The following KLRD1 variants were observed in gnomAD, a reference collection of about 807,000 sequenced individuals.
The protein encoded by KLRD1 is natural killer cells antigen CD94.
KLRD1 carries 21 observed loss-of-function variants against 22.6 expected under a neutral mutation model. That is an observed-to-expected ratio of 0.93 (90% CI 0.66 to 1.34). The LOEUF (loss-of-function observed/expected upper bound fraction) is 1.34. KLRD1 is among the 40% of genes most tolerant of loss of function. The pLI, the probability that KLRD1 is intolerant of heterozygous loss-of-function variation, is 0.00. For missense variants in KLRD1, 183 were observed against 208.6 expected (o/e 0.88, Z 0.76); for synonymous variants, 59 against 71.1 (o/e 0.83, Z 0.85).
At chr12:10,252,761 A>G (rs1345023217) in intron 1 of KLRD1, among the ~76,000 whole-genome samples, 1 of 152,134 alleles carries the variant, frequency 6.6e-6, no homozygotes, top group African/African-American at 2.4e-5. Context: ...AGGTGATTCA[A>G]GTGAACCAAG....
At chr12:10,269,108 A>G (rs1949526330) in intron 1 of KLRD1, among the ~76,000 whole-genome samples, 1 of 151,964 alleles carries the variant, frequency 6.6e-6, no homozygotes, top group Non-Finnish European at 1.5e-5. Flanking sequence ...CAGCTTATCT[A>G]GTAGTCATTT....
intron 1 of KLRD1, among the ~76,000 whole-genome samples, chr12:10,257,605 G>C (rs1300104368): frequency 7.3e-6 from 1 of 137,928 alleles, no homozygotes; most frequent in Non-Finnish European, 1.6e-5. Context: ...TTCTCATTTT[G>C]TTCTATGTAT....
rs201753030 is a variant in KLRD1, at chr12:10,239,934, TTC to T, written c.-101+13705_-101+13706del. On this transcript the variant is annotated intron_variant, in intron 1 of 5. Coordinates refer to the KLRD1 transcript ENST00000544747. ...TGGGATTACAGACGTGAGCCACTTT[TTC>T]TCTTTCTTAAAACATTTTGCCCAAT... Among the ~76,000 whole-genome samples the T allele has an allele frequency of 2.7e-3, 407 of 152,032 alleles. 2 individuals carry two copies. Among genetic ancestry groups the T allele is most frequent in the East Asian group, 0.023 (116 of 5,134 alleles).
intron 1 of KLRD1, among the ~76,000 whole-genome samples, chr12:10,252,990 T>C (rs1031336657): frequency 3.3e-5 from 5 of 152,066 alleles, no homozygotes; most frequent in Non-Finnish European, 5.9e-5. Context: ...AATTTAACTT[T>C]TAATAAACAA....
intron 1 of KLRD1, among the ~76,000 whole-genome samples, chr12:10,298,739 C>T (rs1046850416): frequency 1.3e-5 from 2 of 152,346 alleles, no homozygotes; most frequent in East Asian, 1.9e-4. Flanking sequence ...CCAGACCCAT[C>T]GCTTTATTTC....
chr12:10,244,841 G>GA (rs1306197550), intron 1 of KLRD1, among the ~76,000 whole-genome samples: 2 of 151,930 alleles, frequency 1.3e-5, no homozygotes, highest in African/African-American at 4.8e-5. Flanking sequence ...CTTCATTGAA[G>GA]AAATCATGCT....
rs916650170 is a variant in KLRD1, at chr12:10,320,865, T to C, written c.*6072T>C. 7.9e-5 allele frequency: 12 copies of C among 152,172 alleles called. No homozygotes were observed. Among genetic ancestry groups the C allele is most frequent in the African/African-American group, 2.9e-4 (12 of 41,448 alleles). The allele number at this position is 152,172 out of a possible 1,614,324, so 9.4% of individuals were successfully genotyped here. On this transcript the variant is annotated 3_prime_UTR_variant, in exon 6 of 6. Transcript: ENST00000336164. Reference sequence around the variant, plus strand: ...GGGCTTCTAGGAAGCCCCAGGGTATTGTCCCTCAGGTATCTCAGCAGAAGC... The same window carrying C: ...GGGCTTCTAGGAAGCCCCAGGGTATCGTCCCTCAGGTATCTCAGCAGAAGC...
chr12:10,267,267 C>T (rs891471071), intron 1 of KLRD1, among the ~76,000 whole-genome samples: 3 of 152,032 alleles, frequency 2.0e-5, no homozygotes, highest in Admixed American at 2.0e-4. Flanking sequence ...ACAGTATTAT[C>T]ATCTCAGTGT....
intron 1 of KLRD1, among the ~76,000 whole-genome samples, chr12:10,289,132 C>T (rs775765330): frequency 9.2e-5 from 14 of 152,124 alleles, no homozygotes; most frequent in Non-Finnish European, 1.9e-4. Flanking sequence ...AGTGACATTA[C>T]GCGGGCTTTG....
At chr12:10,293,361 C>G (rs2537788) in intron 1 of KLRD1, among the ~76,000 whole-genome samples, 147,482 of 150,842 alleles carry the variant, frequency 0.98, 72,183 homozygotes, top group East Asian at 1. Flanking sequence ...ATGTGTGACT[C>G]TTCCTTTCAC....
chr12:10,291,059 C>T (rs1450773650), intron 1 of KLRD1, among the ~76,000 whole-genome samples: 1 of 152,060 alleles, frequency 6.6e-6, no homozygotes, highest in Non-Finnish European at 1.5e-5. Context: ...TTTTGTTTCC[C>T]AATGCATGTA....
chr12:10,310,413 A>C (rs1188278344), intron 3 of KLRD1, among the ~76,000 whole-genome samples: 1 of 152,184 alleles, frequency 6.6e-6, no homozygotes, highest in African/African-American at 2.4e-5. Flanking sequence ...CAGCAGAGCC[A>C]CTGCGCCCGG....
At chr12:10,276,304 G>A (rs1046582254) in intron 1 of KLRD1, among the ~76,000 whole-genome samples, 1 of 151,976 alleles carries the variant, frequency 6.6e-6, no homozygotes, top group African/African-American at 2.4e-5. Context: ...TTCTGTTCTT[G>A]TGCTTTGTTT....
rs1950312404 is a variant in KLRD1, at chr12:10,321,544, A to C, written c.*6751A>C. On this transcript the variant is annotated 3_prime_UTR_variant, in exon 6 of 6. Transcript: ENST00000336164. ...CTTGGAATTTAACCCTTTTGATATAATCAATTACATTGTATAAGGGTTGAT... is the reference window on the plus strand; with the variant it reads ...CTTGGAATTTAACCCTTTTGATATACTCAATTACATTGTATAAGGGTTGAT... 1.3e-5 allele frequency: 2 copies of C among 152,198 alleles called. No individual in the cohort carries two copies. The highest frequency in any genetic ancestry group is 1.3e-4 in the Admixed American group (2 of 15,284). The allele number at this position is 152,198 out of a possible 1,614,324, so 9.4% of individuals were successfully genotyped here.
intron 1 of KLRD1, among the ~76,000 whole-genome samples, chr12:10,254,695 C>A (rs1018674467): frequency 6.6e-6 from 1 of 151,972 alleles, no homozygotes; most frequent in Admixed American, 6.6e-5. Context: ...TTGAGACCAG[C>A]CTGGTCAACA....
chr12:10,303,125 A>G (rs1031447921), upstream of KLRD1, among the ~76,000 whole-genome samples: 1 of 152,200 alleles, frequency 6.6e-6, no homozygotes, highest in Non-Finnish European at 1.5e-5. Context: ...GATTTCTCTC[A>G]CTGTCATAAT....
intron 1 of KLRD1, chr12:10,309,012 A>C (rs774805648): frequency 4.1e-5 from 7 of 169,876 alleles, no homozygotes; most frequent in Admixed American, 5.7e-5. Context: ...CTATCTTGTG[A>C]TTTTGTTGAG....
At chr12:10,289,587 A>G (rs1287392255) in intron 1 of KLRD1, among the ~76,000 whole-genome samples, 4 of 152,138 alleles carry the variant, frequency 2.6e-5, no homozygotes, top group African/African-American at 9.7e-5. Flanking sequence ...TAACTTGAAC[A>G]TTATTTTGTT....
intron 1 of KLRD1, among the ~76,000 whole-genome samples, chr12:10,283,777 A>AG (rs1233986646): frequency 6.6e-6 from 1 of 152,058 alleles, no homozygotes; most frequent in East Asian, 1.9e-4. Context: ...GGGGAAAACC[A>AG]GGGAGGACAA....
Sources: allele counts gnomAD v4.1 joint callset (sites outside exome capture counted in the v4.1 genomes callset), GRCh38; gene constraint gnomAD v4.1.1; transcripts MANE v1.5; gene names NCBI Gene and HGNC (gene_info 2026-07-23, HGNC 2026-07-21).